PIEZO2: variants seen among roughly 807,000 people sequenced by gnomAD.
The protein encoded by PIEZO2 is piezo type mechanosensitive ion channel component 2, also known as piezo-type mechanosensitive ion channel component 2.
In PIEZO2, 172 loss-of-function variants were observed where a neutral mutation model predicts 337.3. That is an observed-to-expected ratio of 0.51 (90% CI 0.45 to 0.58). The LOEUF is 0.58. Among genes scored for constraint, PIEZO2 ranks in the 20% least tolerant of loss-of-function variants. The probability of loss-of-function intolerance (pLI) is 0.00; values close to 1 mark genes in which losing one functional copy is unlikely to be tolerated. For synonymous variants in PIEZO2, 1,251 were observed against 1,228.5 expected (o/e 1.02, Z -0.38); for missense variants, 3,028 against 3,391.3 (o/e 0.89, Z 2.66).
chr18:10,725,615 C>T (rs2036503611), intron 36 of PIEZO2, among the ~76,000 whole-genome samples: 1 of 152,232 alleles, frequency 6.6e-6, no homozygotes, highest in African/African-American at 2.4e-5. Context: ...CGCCTCCGCC[C>T]TCTGGCTCAC....
rs1275130502 is a variant in PIEZO2, at chr18:10,795,397, TTATTTTATTTTATTC to T, written c.1528-410_1528-396del. On this transcript the variant is annotated intron_variant, in intron 12 of 55. Transcript: ENST00000674853. The surrounding 1 kb of genome is among the most constrained non-coding windows in gnomAD (Gnocchi z 4.4). The stretch of plus-strand genomic sequence containing the variant: ...TTATTTTATTTTATTTTATTTTATT[TTATTTTATTTTATTC>T]AGCTCTATTGCTTTAAAGAAAAGAC... 4.3e-4 allele frequency among the ~76,000 whole-genome samples: 18 copies of T among 41,654 alleles called. No homozygotes were observed. In the East Asian group the frequency reaches 0.012, roughly 28 times the overall value. The allele number at this position is 41,654 out of a possible 152,430, so 27.3% of individuals were successfully genotyped here. A position where few individuals can be genotyped will look rare whatever the true frequency, so the allele number is the denominator to read the frequency against.
At chr18:10,935,634 T>G (rs892026629) in intron 3 of PIEZO2, among the ~76,000 whole-genome samples, 2 of 152,218 alleles carry the variant, frequency 1.3e-5, no homozygotes, top group African/African-American at 4.8e-5. Flanking sequence ...CTGGCTGGAT[T>G]AGAACCATGA....
rs1216584748 is a variant in PIEZO2 at position 11,035,695 on chromosome 18, G to C, written c.160+30432C>G. Among the ~76,000 whole-genome samples the C allele has an allele frequency of 6.6e-6, 1 of 152,160 alleles. No homozygotes were observed. The highest frequency in any genetic ancestry group is 1.5e-5 in the Non-Finnish European group (1 of 68,030). On this transcript the variant is annotated intron_variant, in intron 2 of 55. Coordinates refer to ENST00000674853, the MANE Select transcript of PIEZO2 (RefSeq NM_001378183.1). The surrounding 1 kb of genome is among the most constrained non-coding windows in gnomAD (Gnocchi z 4.3). ...CTCTTATCCCTGAAGAATGGACACA[G>C]AGGGTTGGAAAGTGTGATTATGATG... is the stretch of plus-strand genomic sequence containing the variant.
chr18:10,977,001 A>ATGCG (rs2034466368), intron 3 of PIEZO2, among the ~76,000 whole-genome samples: 1 of 142,800 alleles, frequency 7.0e-6, no homozygotes, highest in African/African-American at 2.6e-5. Context: ...AAGAACAAAT[A>ATGCG]TGTGTGTGTG....
intron 7 of PIEZO2, among the ~76,000 whole-genome samples, chr18:10,835,069 AC>A (rs1455747084): frequency 6.6e-6 from 1 of 152,184 alleles, no homozygotes; most frequent in Non-Finnish European, 1.5e-5. Flanking sequence ...TCATGTGAGG[AC>A]ACATCTAGAA....
intron 7 of PIEZO2, among the ~76,000 whole-genome samples, chr18:10,832,414 G>C (rs1281997463): frequency 6.6e-6 from 1 of 152,176 alleles, no homozygotes; most frequent in East Asian, 1.9e-4. Context: ...GGCTCACATA[G>C]AGCATCTGCC....
chr18:11,140,744 A>T (rs1483068853), intron 1 of PIEZO2, among the ~76,000 whole-genome samples: 1 of 152,328 alleles, frequency 6.6e-6, no homozygotes, highest in East Asian at 1.9e-4. Context: ...CCACAGACCG[A>T]CTTTTCCCAT....
At chr18:10,831,639 A>C (rs563038115) in intron 7 of PIEZO2, among the ~76,000 whole-genome samples, 1 of 152,318 alleles carries the variant, frequency 6.6e-6, no homozygotes, top group African/African-American at 2.4e-5. Context: ...AATAACTACA[A>C]GAGTAGAACT....
At chr18:10,706,682 C>T (rs540916802) in intron 40 of PIEZO2, among the ~76,000 whole-genome samples, 2 of 152,318 alleles carry the variant, frequency 1.3e-5, no homozygotes, top group African/African-American at 2.4e-5. Flanking sequence ...TTCCCTGTCA[C>T]GTCCATGCAG....
rs191932963 is a variant in PIEZO2 at position 10,778,628 on chromosome 18, G to A, written c.2534+1697C>T. On this transcript the variant is annotated intron_variant, in intron 18 of 55. Transcript: ENST00000674853. The stretch of plus-strand genomic sequence containing the variant: ...ATTACAGGCGTGAGCCACCACACCC[G>A]GCCTCTGGCTGCTCTTAACATGTTT... 8.5e-3 allele frequency among the ~76,000 whole-genome samples: 1,292 copies of A among 151,866 alleles called. 10 individuals are homozygous for A. Among genetic ancestry groups the A allele is most frequent in the Non-Finnish European group, 0.013 (893 of 67,934 alleles).
Position 11,099,257 on chromosome 18 carries a change from T to C in PIEZO2, c.65-33035A>G, listed in dbSNP as rs1462597372. ...GTGCCAGTATTTCTGTAGGTTAACATATTAATGGATCATAAAGTATGCATA... is the reference window on the plus strand; with the variant it reads ...GTGCCAGTATTTCTGTAGGTTAACACATTAATGGATCATAAAGTATGCATA... On this transcript the variant is annotated intron_variant, in intron 1 of 55. Coordinates refer to ENST00000674853, the MANE Select transcript of PIEZO2 (RefSeq NM_001378183.1). This position sits in a 1 kb window ranked among gnomAD's most constrained non-coding sequence, Gnocchi z 5.4. Among the ~76,000 whole-genome samples the C allele has an allele frequency of 6.6e-6, 1 of 152,236 alleles. No individual in the cohort carries two copies. The highest frequency in any genetic ancestry group is 2.4e-5 in the African/African-American group (1 of 41,480).
intron 7 of PIEZO2, among the ~76,000 whole-genome samples, chr18:10,812,716 C>T (rs1026106930): frequency 2.0e-5 from 3 of 151,992 alleles, no homozygotes; most frequent in African/African-American, 7.3e-5. Flanking sequence ...CTTACTTGCA[C>T]GCTTTTCTCT....
chr18:10,948,507 T>C (rs1020444831), intron 3 of PIEZO2, among the ~76,000 whole-genome samples: 6 of 152,234 alleles, frequency 3.9e-5, no homozygotes, highest in African/African-American at 7.2e-5. Flanking sequence ...TGTTTTAAGA[T>C]TGATGCATTT....
intron 47 of PIEZO2, among the ~76,000 whole-genome samples, chr18:10,692,353 T>C (rs1010213015): frequency 5.3e-5 from 8 of 152,216 alleles, no homozygotes; most frequent in African/African-American, 1.4e-4. Flanking sequence ...TTTGGTATAA[T>C]CTTCTCTGTC....
intron 2 of PIEZO2, among the ~76,000 whole-genome samples, chr18:10,991,187 C>T (rs1000480082): frequency 2.0e-5 from 3 of 148,198 alleles, no homozygotes; most frequent in South Asian, 2.1e-4. Flanking sequence ...CACACACACA[C>T]ACATACATAC....
At chr18:10,904,791 T>A (rs2145029749) in intron 4 of PIEZO2, among the ~76,000 whole-genome samples, 1 of 152,352 alleles carries the variant, frequency 6.6e-6, no homozygotes, top group East Asian at 1.9e-4. Context: ...GTCTTTTAAG[T>A]CACTGAGATA....
In PIEZO2 at chr18:10,702,033, G is replaced by T; in HGVS notation, c.6397C>A (p.Leu2133Ile). Residue 2133 changes from leucine (L) to isoleucine (I), a missense_variant, in exon 43 of 56, where the codon CTC (leucine) becomes ATC (isoleucine). Leu to Ile is a conservative substitution (Grantham distance 5). Around this residue, in one of 5 missense-constraint regions of PIEZO2, gnomAD observed 1,925 missense variants for 2,051.9 expected, o/e 0.94. Transcript: ENST00000674853. ...EKKEGYVLYD[L>I]IQLLALFFHR... ...AAGAACAGAGCCAGGAGCTGGATGA[G>T]GTCATAGAGAACATAACCTTCCTTC... The T allele has an allele frequency of 6.5e-7, 1 of 1,535,690 alleles. No homozygotes were observed. Among genetic ancestry groups the T allele is most frequent in the Non-Finnish European group, 8.7e-7 (1 of 1,146,496 alleles).
intron 3 of PIEZO2, among the ~76,000 whole-genome samples, chr18:10,927,988 G>A (rs2031849808): frequency 2.0e-5 from 3 of 152,082 alleles, no homozygotes; most frequent in African/African-American, 7.2e-5. Context: ...TTTAGACTAA[G>A]GAAGATTCAA....
rs368272727 is a variant in PIEZO2 at position 10,944,517 on chromosome 18, G to GATATATATATAT, written c.287-33301_287-33290dup. On this transcript the variant is annotated intron_variant, in intron 3 of 55. Transcript: ENST00000674853. ...TATATATATATATATCTTAGTAACA[G>GATATATATATAT]ATATATATATATATATATATATATA... is the stretch of plus-strand genomic sequence containing the variant. Among the ~76,000 whole-genome samples the GATATATATATAT allele has an allele frequency of 6.0e-4, 30 of 49,840 alleles. No individual in the cohort carries two copies. In the East Asian group the frequency reaches 0.01, roughly 17 times the overall value. 32.7% of individuals were successfully genotyped at this position (49,840 alleles called of 152,430 possible).
Sources: allele counts gnomAD v4.1 joint callset (sites outside exome capture counted in the v4.1 genomes callset), GRCh38; gene constraint gnomAD v4.1.1; regional missense constraint gnomAD v4.1.1; non-coding constraint Gnocchi (gnomAD v3.1); transcripts MANE v1.5; gene names NCBI Gene and HGNC (gene_info 2026-07-23, HGNC 2026-07-21).